ZNF875: variants seen among roughly 807,000 people sequenced by gnomAD.
ZNF875 encodes HKR1, GLI-Kruppel zinc finger family member.
Under a neutral mutation model 11.2 loss-of-function variants are expected in ZNF875, and 14 were observed. The observed-to-expected ratio is 1.26, with a 90% CI of 0.83 to 1.96. The LOEUF (loss-of-function observed/expected upper bound fraction) is 1.96, where lower values mean the gene tolerates loss of function less well. ZNF875 is among the 30% of genes most tolerant of loss of function. The probability of loss-of-function intolerance (pLI) is 0.00; values close to 1 mark genes in which losing one functional copy is unlikely to be tolerated. For missense variants in ZNF875, 752 were observed against 760.4 expected (o/e 0.99, Z 0.13); for synonymous variants, 301 against 281.1 (o/e 1.07, Z -0.71).
At chr19:37,317,533 G>A (rs930175423), upstream of ZNF875, among the ~76,000 whole-genome samples, 1 of 152,206 alleles carries the variant, frequency 6.6e-6, no homozygotes, top group Non-Finnish European at 1.5e-5. Context: ...TGTGTTCACC[G>A]GGAGGTGGGC....
intron 4 of ZNF875, among the ~76,000 whole-genome samples, chr19:37,353,687 A>G (rs1024470763): frequency 6.6e-6 from 1 of 152,228 alleles, no homozygotes; most frequent in Non-Finnish European, 1.5e-5. Flanking sequence ...ATCGCTGGTT[A>G]ACATATTTTT....
At chr19:37,317,692 G>A (rs867012179), upstream of ZNF875, among the ~76,000 whole-genome samples, 5 of 152,372 alleles carry the variant, frequency 3.3e-5, no homozygotes, top group South Asian at 1.0e-3. Flanking sequence ...TGCTGCGCAT[G>A]TAGGCGGGTC....
At chr19:37,321,726 C>T (rs1487421370) in intron 1 of ZNF875, among the ~76,000 whole-genome samples, 1 of 152,176 alleles carries the variant, frequency 6.6e-6, no homozygotes, top group Non-Finnish European at 1.5e-5. Context: ...AGGCACAGGG[C>T]TCCAGGTCAG....
chr19:37,347,504 A>G (rs1027474937), intron 3 of ZNF875, 188 bp downstream of exon 3: 10 of 622,674 alleles, frequency 1.6e-5, no homozygotes, highest in African/African-American at 7.4e-5. Context: ...CATGTTATGG[A>G]TGACACTACA....
chr19:37,355,904 T>C (rs1271248191), intron 4 of ZNF875, among the ~76,000 whole-genome samples: 1 of 152,218 alleles, frequency 6.6e-6, no homozygotes, highest in Non-Finnish European at 1.5e-5. Flanking sequence ...TAGTACCTGA[T>C]AGGTAGTTTT....
At chr19:37,331,104 G>A (rs1371800961), upstream of ZNF875, among the ~76,000 whole-genome samples, 3 of 147,514 alleles carry the variant, frequency 2.0e-5, no homozygotes, top group Non-Finnish European at 3.0e-5. Context: ...GGAGAATGGC[G>A]TGAACCTGGG....
chr19:37,363,135 G>A lies in ZNF875; in HGVS notation c.1283G>A (p.Gly428Glu). 6.2e-7 allele frequency: 1 copy of A among 1,613,862 alleles called. No homozygotes were observed. The highest frequency in any genetic ancestry group is 8.5e-7 in the Non-Finnish European group (1 of 1,179,972). ...GEKPYVCTECGRHFSWKSNLK... is the reference protein window; with the variant it reads ...GEKPYVCTECERHFSWKSNLK... ...AAGCCTTATGTATGCACAGAATGTG[G>A]GCGTCACTTTAGCTGGAAATCAAAC... The change falls in exon 5 of 5, where the codon GGG becomes GAG. Residue 428 changes from glycine (G) to glutamate (E), a missense_variant. Coordinates refer to ENST00000392153, the MANE Select transcript of ZNF875 (RefSeq NM_001353803.2).
intron 4 of ZNF875, among the ~76,000 whole-genome samples, chr19:37,352,308 G>A (rs530230232): frequency 1.3e-5 from 2 of 151,682 alleles, no homozygotes; most frequent in African/African-American, 2.4e-5. Flanking sequence ...GAGATGCCAC[G>A]ACCAAACACC....
At chr19:37,355,378 C>T (rs1212954488) in intron 4 of ZNF875, among the ~76,000 whole-genome samples, 2 of 152,116 alleles carry the variant, frequency 1.3e-5, no homozygotes, top group East Asian at 3.9e-4. Context: ...TTAGTAGAGA[C>T]AGGGTTTCAC....
At chr19:37,344,009 C>T (rs954475814) in intron 2 of ZNF875, among the ~76,000 whole-genome samples, 1 of 152,148 alleles carries the variant, frequency 6.6e-6, no homozygotes, top group East Asian at 1.9e-4. Context: ...CTGCAGTCTA[C>T]CCTGTTCTCT....
intron 4 of ZNF875, among the ~76,000 whole-genome samples, chr19:37,357,513 T>C (rs766220631): frequency 2.6e-5 from 4 of 152,242 alleles, no homozygotes; most frequent in Non-Finnish European, 4.4e-5. Flanking sequence ...CTTTCATCAG[T>C]GTTTTGTAGT....
At chr19:37,318,101 C>G (rs1242726063) in exon 1 of ZNF875, 2 of 154,552 alleles carry the variant, frequency 1.3e-5, no homozygotes, top group East Asian at 3.8e-4. Context: ...CCGGCCCTTC[C>G]CCATCCGTCC....
chr19:37,326,423 C>T lies in ZNF875; in HGVS notation c.-603+2158C>T, dbSNP rs145659989. ...ATCCTTTAATATGGAGAATTATTTC[C>T]AATTCCTTAACATCCTGCCTGATTT... On this transcript the variant is annotated intron_variant, in intron 4 of 5. Transcript: ENST00000544914. Among the ~76,000 whole-genome samples the T allele has an allele frequency of 6.2e-3, 948 of 152,208 alleles. 7 individuals carry two copies. Among genetic ancestry groups the T allele is most frequent in the Non-Finnish European group, 0.01 (708 of 68,022 alleles).
chr19:37,318,309 T>C (rs1206308587), intron 1 of ZNF875: 1 of 152,154 alleles, frequency 6.6e-6, no homozygotes, highest in Non-Finnish European at 1.5e-5. Context: ...TTAAATAAAA[T>C]ACATTACTAG....
In ZNF875 at chr19:37,362,482, AACAG is replaced by A. The variant is rs2040104650; in HGVS notation, c.634_637del (p.Asp212LysfsTer6). On this transcript the variant is annotated frameshift_variant, in exon 5 of 5. Coordinates refer to ENST00000392153, the MANE Select transcript of ZNF875 (RefSeq NM_001353803.2). LOFTEE classifies it low-confidence loss of function (END_TRUNC). ...CTGAACGGAGGGCAGATCTAGAGGA[AACAG>A]ACAAAGTATTGCATGGTTTAGAAGT... 3 of 1,614,236 alleles carry A rather than the reference AACAG, an allele frequency of 1.9e-6. No homozygotes were observed. The highest frequency in any genetic ancestry group is 2.5e-6 in the Non-Finnish European group (3 of 1,180,036).
At chr19:37,340,309 T>C (rs945655521) in intron 2 of ZNF875, among the ~76,000 whole-genome samples, 40 of 152,056 alleles carry the variant, frequency 2.6e-4, no homozygotes, top group African/African-American at 9.4e-4. Context: ...TTTGCTTTTA[T>C]TTTAATTATT....
At position 37,363,979 on chromosome 19, in the gene ZNF875, T is replaced by A. The variant is rs1030653981; in HGVS notation, c.*204T>A. On this transcript the variant is annotated 3_prime_UTR_variant, in exon 5 of 5. Coordinates refer to ENST00000392153, the MANE Select transcript of ZNF875 (RefSeq NM_001353803.2). ...CTGAAGGAGAATTGCTGGCTCATTTTCAGGAGCCCTGCCCTTCCTCACTGT... is the reference window on the plus strand; with the variant it reads ...CTGAAGGAGAATTGCTGGCTCATTTACAGGAGCCCTGCCCTTCCTCACTGT... 1.4e-5 allele frequency: 8 copies of A among 564,790 alleles called. No individual in the cohort carries two copies. Among genetic ancestry groups the A allele is most frequent in the Non-Finnish European group, 2.5e-5 (8 of 316,178 alleles). 35.0% of individuals were successfully genotyped at this position (564,790 alleles called of 1,614,324 possible).
chr19:37,331,062 C>G (rs552384761), upstream of ZNF875, among the ~76,000 whole-genome samples: 4 of 151,666 alleles, frequency 2.6e-5, no homozygotes, highest in African/African-American at 9.7e-5. Flanking sequence ...TGGCAGGCGC[C>G]TGTAGTCCCA....
chr19:37,335,207 A>G lies in ZNF875; in HGVS notation c.-18A>G. The G allele has an allele frequency of 1.4e-6, 1 of 702,494 alleles. No individual in the cohort carries two copies. Among genetic ancestry groups the G allele is most frequent in the Admixed American group, 2.0e-5 (1 of 50,006 alleles). 43.5% of individuals were successfully genotyped at this position (702,494 alleles called of 1,614,324 possible). On this transcript the variant is annotated 5_prime_UTR_variant, in exon 2 of 5. Coordinates refer to ENST00000392153, the MANE Select transcript of ZNF875 (RefSeq NM_001353803.2). Reference sequence around the variant, plus strand: ...GACTTTGCCCTTCTCCAGGAAGAGCACTCAGGAGACCAGGAAAATGGCCAC... The same window carrying G: ...GACTTTGCCCTTCTCCAGGAAGAGCGCTCAGGAGACCAGGAAAATGGCCAC...
Sources: allele counts gnomAD v4.1 joint callset (sites outside exome capture counted in the v4.1 genomes callset), GRCh38; gene constraint gnomAD v4.1.1; transcripts MANE v1.5; gene names NCBI Gene and HGNC (gene_info 2026-07-23, HGNC 2026-07-21).